Variants in GRID2 observed in about 807,000 individuals in gnomAD.
GRID2 encodes glutamate receptor ionotropic, delta-2.
In GRID2, 33 loss-of-function variants were observed where a neutral mutation model predicts 114.8. That is an observed-to-expected ratio of 0.29 (90% CI 0.22 to 0.38). The LOEUF is 0.38. Among genes scored for constraint, GRID2 ranks in the 10% least tolerant of loss-of-function variants. The pLI, the probability that GRID2 is intolerant of heterozygous loss-of-function variation, is 1.00. For synonymous variants in GRID2, 505 were observed against 449.9 expected, an observed-to-expected ratio of 1.12 and a Z score of -1.55; for missense variants, 1,184 against 1,257.7, an observed-to-expected ratio of 0.94 and a Z score of 0.89.
chr4:93,085,030 G>A lies in GRID2; in HGVS notation c.280G>A (p.Val94Ile). The change falls in exon 3 of 16, where the codon GTC (valine) becomes ATC (isoleucine). Residue 94 changes from valine (V) to isoleucine (I), a missense_variant. Around this residue, in one of 3 missense-constraint regions of GRID2, gnomAD observed 455 missense variants for 429.5 expected, o/e 1.06. Coordinates refer to ENST00000282020, the MANE Select transcript of GRID2 (RefSeq NM_001510.4). ...ELMNQGILAL[V>I]SSIGCTSAGS... ...TATGAATCAAGGCATCTTGGCCCTG[G>A]TCAGCTCCATTGGCTGCACGTCAGC... 3.1e-6 allele frequency: 5 copies of A among 1,614,058 alleles called. No individual in the cohort carries two copies. The highest frequency in any genetic ancestry group is 4.2e-6 in the Non-Finnish European group (5 of 1,179,952).
intron 2 of GRID2, among the ~76,000 whole-genome samples, chr4:93,029,717 T>G: frequency 6.6e-6 from 1 of 152,192 alleles, no homozygotes; most frequent in Non-Finnish European, 1.5e-5. Flanking sequence ...TTTTTAATAT[T>G]TAATGAAGTC....
At chr4:93,118,392 T>C (rs1487566909) in intron 4 of GRID2, among the ~76,000 whole-genome samples, 2 of 152,196 alleles carry the variant, frequency 1.3e-5, no homozygotes, top group Non-Finnish European at 2.9e-5. Flanking sequence ...AGCTCAACAA[T>C]GATAAGGGAC....
At chr4:92,508,282 C>T (rs1249346168) in intron 1 of GRID2, among the ~76,000 whole-genome samples, 2 of 151,946 alleles carry the variant, frequency 1.3e-5, no homozygotes, top group Admixed American at 1.3e-4. Flanking sequence ...AAACCTTCTA[C>T]ATACCACTCA....
chr4:93,048,832 C>T (rs1485730346), intron 2 of GRID2, among the ~76,000 whole-genome samples: 4 of 151,918 alleles, frequency 2.6e-5, no homozygotes, highest in Non-Finnish European at 4.4e-5. Flanking sequence ...TTTCCTTTTC[C>T]GGAGCATGAT....
intron 10 of GRID2, among the ~76,000 whole-genome samples, chr4:93,435,211 T>C (rs1720962448): frequency 6.6e-6 from 1 of 152,144 alleles, no homozygotes; most frequent in African/African-American, 2.4e-5. Context: ...CTAGAAAATA[T>C]TTGTACATAA....
At chr4:92,325,928 C>G (rs903319800) in intron 1 of GRID2, among the ~76,000 whole-genome samples, 1 of 151,626 alleles carries the variant, frequency 6.6e-6, no homozygotes, top group Non-Finnish European at 1.5e-5. Flanking sequence ...TATCCACATT[C>G]CCGGGTCTAC....
chr4:92,379,929 G>A (rs556853830), intron 1 of GRID2, among the ~76,000 whole-genome samples: 44 of 152,008 alleles, frequency 2.9e-4, no homozygotes, highest in African/African-American at 1.0e-3. Flanking sequence ...GAGGTGCCAG[G>A]CTGCACAAAT....
At chr4:92,515,347 TAATTA>T (rs996289395) in intron 1 of GRID2, among the ~76,000 whole-genome samples, 7 of 151,914 alleles carry the variant, frequency 4.6e-5, no homozygotes, top group Non-Finnish European at 8.8e-5. Flanking sequence ...ACTAATCTTC[TAATTA>T]AACTATCAAC....
chr4:93,781,411 TGGGCTGCGGTGAGGGGCTGCGGTGAG>T (rs754582863), intron 1 of GRID2, among the ~76,000 whole-genome samples: 1 of 151,350 alleles, frequency 6.6e-6, no homozygotes, highest in East Asian at 2.0e-4. Context: ...TGAGGCCTAC[TGGGCTGCGGTGAGGGGCTGCGGTGAG>T]GGGCTGCGGT....
intron 8 of GRID2, among the ~76,000 whole-genome samples, chr4:93,332,716 G>A (rs1320594978): frequency 6.6e-6 from 1 of 152,060 alleles, no homozygotes; most frequent in South Asian, 2.1e-4. Context: ...CTTGGGTACA[G>A]ACTCTTTCCA....
At chr4:92,526,281 CT>C (rs1288956349) in intron 1 of GRID2, among the ~76,000 whole-genome samples, 4 of 152,086 alleles carry the variant, frequency 2.6e-5, no homozygotes, top group Non-Finnish European at 5.9e-5. Flanking sequence ...AACACAGCCC[CT>C]GATATTATCC....
intron 2 of GRID2, among the ~76,000 whole-genome samples, chr4:92,673,925 G>A: frequency 6.6e-6 from 1 of 151,972 alleles, no homozygotes; most frequent in South Asian, 2.1e-4. Context: ...GTATACATTT[G>A]TAACAAACCT....
intron 14 of GRID2, among the ~76,000 whole-genome samples, chr4:93,767,450 T>C (rs1323093440): frequency 6.6e-6 from 1 of 152,212 alleles, no homozygotes; most frequent in African/African-American, 2.4e-5. Context: ...AATTAATTAC[T>C]CTTCTAGAGC....
At chr4:92,691,188 T>C (rs1015212517) in intron 2 of GRID2, among the ~76,000 whole-genome samples, 3 of 152,150 alleles carry the variant, frequency 2.0e-5, no homozygotes, top group Non-Finnish European at 2.9e-5. Flanking sequence ...AGAAATGATA[T>C]TTTACTTAAA....
At position 93,087,637 on chromosome 4, in the gene GRID2, T is replaced by C. The variant is rs75808033; in HGVS notation, c.529+2358T>C. 4.0e-3 allele frequency among the ~76,000 whole-genome samples: 611 copies of C among 152,294 alleles called. 7 individuals carry two copies. Among genetic ancestry groups the C allele is most frequent in the African/African-American group, 0.014 (591 of 41,584 alleles). On this transcript the variant is annotated intron_variant, in intron 3 of 15. Coordinates refer to ENST00000282020, the MANE Select transcript of GRID2 (RefSeq NM_001510.4). The stretch of plus-strand genomic sequence containing the variant: ...TGTAATATATGACTGGGTCATTTGT[T>C]AGATCTGAGGTTTGCTTTAGGAATT...
chr4:92,308,313 A>G (rs1001442661), intron 1 of GRID2, among the ~76,000 whole-genome samples: 7 of 152,180 alleles, frequency 4.6e-5, no homozygotes, highest in Admixed American at 2.6e-4. Context: ...AACTGATTGT[A>G]AATTAGCTGT....
At chr4:92,404,769 C>G (rs11944715) in intron 1 of GRID2, among the ~76,000 whole-genome samples, 3,661 of 152,196 alleles carry the variant, frequency 0.024, 124 homozygotes, top group African/African-American at 0.073. Context: ...TTTCAGCAAA[C>G]TAACACAGGA....
At chr4:93,389,604 A>G (rs1764647963) in intron 8 of GRID2, among the ~76,000 whole-genome samples, 1 of 152,186 alleles carries the variant, frequency 6.6e-6, no homozygotes, top group Non-Finnish European at 1.5e-5. Flanking sequence ...TGGACAAGGT[A>G]GTCATCATTC....
chr4:93,651,087 C>A (rs1722541812), intron 14 of GRID2, among the ~76,000 whole-genome samples: 1 of 152,166 alleles, frequency 6.6e-6, no homozygotes, highest in African/African-American at 2.4e-5. Flanking sequence ...ACAGATTCTG[C>A]ATCACCTCAC....
Sources: allele counts gnomAD v4.1 joint callset (sites outside exome capture counted in the v4.1 genomes callset), GRCh38; gene constraint gnomAD v4.1.1; regional missense constraint gnomAD v4.1.1; transcripts MANE v1.5; gene names NCBI Gene and HGNC (gene_info 2026-07-23, HGNC 2026-07-21).